The following LRRC4C variants were observed in gnomAD, a reference collection of about 807,000 sequenced individuals.
LRRC4C encodes leucine rich repeat containing 4C, also known as leucine-rich repeat-containing protein 4C.
A neutral mutation model predicts 33.6 loss-of-function variants in LRRC4C; 5 were observed. That is an observed-to-expected ratio of 0.15 (90% confidence interval 0.08 to 0.31). The LOEUF (loss-of-function observed/expected upper bound fraction) is 0.31. LRRC4C is among the 10% of genes least tolerant of loss of function. LRRC4C has a pLI of 1.00. For missense variants in LRRC4C, 560 were observed against 796.7 expected (o/e 0.70, Z 3.58); for synonymous variants, 329 against 302.0 (o/e 1.09, Z -0.93).
At chr11:40,519,176 A>G (rs1955698884) in intron 3 of LRRC4C, among the ~76,000 whole-genome samples, 1 of 152,088 alleles carries the variant, frequency 6.6e-6, no homozygotes, top group South Asian at 2.1e-4. Context: ...CCACCATGGC[A>G]TGTGTATACA....
At chr11:41,270,945 C>T (rs79008681) in intron 1 of LRRC4C, among the ~76,000 whole-genome samples, 2,587 of 152,144 alleles carry the variant, frequency 0.017, 72 homozygotes, top group African/African-American at 0.06. Context: ...ATCTCTGCCT[C>T]TGTGTGTCTC....
chr11:41,319,385 C>T (rs10837635), intron 1 of LRRC4C, among the ~76,000 whole-genome samples: 24,249 of 152,092 alleles, frequency 0.16, 2,355 homozygotes, highest in East Asian at 0.44. Flanking sequence ...ATGGAGCATT[C>T]CTGTGGTCAG....
intron 3 of LRRC4C, among the ~76,000 whole-genome samples, chr11:40,589,812 C>G (rs979095426): frequency 6.7e-6 from 1 of 149,638 alleles, no homozygotes; most frequent in Non-Finnish European, 1.5e-5. Context: ...GGCCCCCACT[C>G]TCTTCTGGCT....
chr11:41,382,220 T>C (rs1210809593), intron 1 of LRRC4C, among the ~76,000 whole-genome samples: 1 of 151,980 alleles, frequency 6.6e-6, no homozygotes, highest in Non-Finnish European at 1.5e-5. Flanking sequence ...TTTCAGAGAT[T>C]AAAGATTTAT....
chr11:41,443,526 A>G (rs996197257), intron 1 of LRRC4C, among the ~76,000 whole-genome samples: 1 of 152,070 alleles, frequency 6.6e-6, no homozygotes, highest in Non-Finnish European at 1.5e-5. Context: ...AAAATAAAAT[A>G]AGGAAACAAA....
chr11:40,393,913 G>A (rs762980228), intron 3 of LRRC4C, among the ~76,000 whole-genome samples: 37 of 151,986 alleles, frequency 2.4e-4, no homozygotes, highest in Non-Finnish European at 2.5e-4. Flanking sequence ...ATAGCAGAAA[G>A]AACTGGATGC....
In LRRC4C at chr11:40,279,613, C is replaced by T. The variant is rs574496792; in HGVS notation, c.-175-38015G>A. Among the ~76,000 whole-genome samples the T allele has an allele frequency of 3.9e-5, 6 of 152,276 alleles. No individual in the cohort carries two copies. The South Asian group carries it at 8.3e-4, about 21-fold the overall frequency. The stretch of plus-strand genomic sequence containing the variant: ...AAGTTCTATGTGAATTATTTCAATT[C>T]TAACTCACTACAATCCTGCATTATA... On this transcript the variant is annotated intron_variant, in intron 4 of 6. Coordinates refer to ENST00000528697, the MANE Select transcript of LRRC4C (RefSeq NM_001258419.2).
intron 1 of LRRC4C, among the ~76,000 whole-genome samples, chr11:40,967,841 A>G (rs1422551029): frequency 6.6e-6 from 1 of 151,570 alleles, no homozygotes; most frequent in Admixed American, 6.6e-5. Context: ...AATATATGAT[A>G]ATTTAAATAT....
chr11:40,823,748 G>A (rs1317516202), intron 2 of LRRC4C, among the ~76,000 whole-genome samples: 1 of 151,714 alleles, frequency 6.6e-6, no homozygotes, highest in Non-Finnish European at 1.5e-5. Flanking sequence ...TATGTAAAAT[G>A]GTAAAGCTCC....
intron 2 of LRRC4C, among the ~76,000 whole-genome samples, chr11:40,822,831 T>C (rs113839000): frequency 3.3e-5 from 5 of 151,980 alleles, no homozygotes; most frequent in African/African-American, 4.8e-5. Flanking sequence ...TTAATTCATT[T>C]TGATTTGATT....
chr11:40,737,271 T>C (rs1430047939), intron 2 of LRRC4C, among the ~76,000 whole-genome samples: 2 of 152,168 alleles, frequency 1.3e-5, no homozygotes, highest in Admixed American at 1.3e-4. Flanking sequence ...TCATACTGAA[T>C]GGGCAAAATC....
intron 2 of LRRC4C, among the ~76,000 whole-genome samples, chr11:40,665,321 AAAAAATATATATATATATATAT>A (rs1268003613): frequency 7.7e-5 from 1 of 13,032 alleles, no homozygotes; most frequent in South Asian, 2.1e-3. Context: ...AAAAAAAAAA[AAAAAATATATATATATATATAT>A]ATATATATAT....
At chr11:40,203,585 C>G (rs1862925272) in intron 5 of LRRC4C, among the ~76,000 whole-genome samples, 1 of 152,136 alleles carries the variant, frequency 6.6e-6, no homozygotes, top group African/African-American at 2.4e-5. Flanking sequence ...ATGTTTCTAC[C>G]TAATGCTGAT....
intron 3 of LRRC4C, among the ~76,000 whole-genome samples, chr11:40,557,673 T>C (rs2135484649): frequency 6.9e-6 from 1 of 144,906 alleles, no homozygotes; most frequent in African/African-American, 2.6e-5. Context: ...ACACTGTCTA[T>C]AGAGGCGTGT....
At chr11:40,529,412 G>A (rs1956186053) in intron 3 of LRRC4C, among the ~76,000 whole-genome samples, 1 of 151,954 alleles carries the variant, frequency 6.6e-6, no homozygotes, top group Non-Finnish European at 1.5e-5. Context: ...TGAATGACAG[G>A]GTAGAGTATG....
intron 1 of LRRC4C, among the ~76,000 whole-genome samples, chr11:41,034,207 A>G (rs985881214): frequency 2.6e-5 from 4 of 151,794 alleles, no homozygotes; most frequent in Admixed American, 2.6e-4. Context: ...GAGTGGCTTT[A>G]TTATGAAAGC....
chr11:40,357,493 A>G (rs1341197703), intron 3 of LRRC4C, among the ~76,000 whole-genome samples: 1 of 152,182 alleles, frequency 6.6e-6, no homozygotes, highest in African/African-American at 2.4e-5. Context: ...TCTCACCCAA[A>G]TGAACAGAGA....
At chr11:40,218,060 G>T (rs1207773882) in intron 5 of LRRC4C, among the ~76,000 whole-genome samples, 2 of 152,066 alleles carry the variant, frequency 1.3e-5, no homozygotes, top group Non-Finnish European at 2.9e-5. Flanking sequence ...AATTGAGAAG[G>T]TTTATAATGT....
At chr11:40,727,015 A>G (rs1318423027) in intron 2 of LRRC4C, among the ~76,000 whole-genome samples, 2 of 152,188 alleles carry the variant, frequency 1.3e-5, no homozygotes, top group Admixed American at 6.5e-5. Context: ...AATAGCCACA[A>G]AAAGTTAACT....
Sources: gnomAD v4.1 joint callset for allele counts (sites outside exome capture counted in the v4.1 genomes callset) on GRCh38, gnomAD v4.1.1 for gene constraint, MANE v1.5 for transcripts, NCBI Gene and HGNC (gene_info 2026-07-23, HGNC 2026-07-21) for gene names.